Variants in RHD observed in about 807,000 individuals in gnomAD.
RHD encodes the protein blood group Rh(D) polypeptide.
In RHD, 16 loss-of-function variants were observed where a neutral mutation model predicts 45.5. The ratio of observed to expected loss-of-function variants is 0.35; its 90% CI spans 0.24 to 0.53. RHD has a LOEUF of 0.53. RHD is among the 20% of genes least tolerant of loss of function. The pLI is 0.92. For synonymous variants in RHD, 131 were observed against 217.5 expected (o/e 0.60, Z 3.50); for missense variants, 306 against 532.0 (o/e 0.58, Z 4.18).
chr1:25,318,315 C>CA (rs1391140037), intron 8 of RHD: 2 of 132,006 alleles, frequency 1.5e-5, no homozygotes, highest in African/African-American at 5.2e-5. Flanking sequence ...AGGCCAGGTG[C>CA]AGTGGCTCAC....
rs769694058 is a variant in RHD at position 25,301,680 on chromosome 1, C to G, written c.795C>G (p.Ile265Met). ...GSSLAHPQGK[I>M]SKTYVHSAVL... ...CCTTGGCTCACCCCCAAGGGAAGATCAGCAAGGTGAGCAGGGCGCTGCCCT... is the reference window on the plus strand; with the variant it reads ...CCTTGGCTCACCCCCAAGGGAAGATGAGCAAGGTGAGCAGGGCGCTGCCCT... Residue 265 changes from isoleucine (I) to methionine (M), a missense_variant, in exon 5 of 10, where the codon ATC becomes ATG. Ile to Met is a conservative substitution (Grantham distance 10). Transcript: ENST00000328664. The G allele has an allele frequency of 5.9e-5, 81 of 1,379,478 alleles. 19 individuals carry two copies. The Admixed American group carries it at 1.4e-3, about 23-fold the overall frequency. 85.5% of individuals were successfully genotyped at this position (1,379,478 alleles called of 1,614,324 possible). A position where few individuals can be genotyped will look rare whatever the true frequency, so the allele number is the denominator to read the frequency against.
chr1:25,318,966 C>T lies in RHD; in HGVS notation c.1153+1887C>T. Among the ~76,000 whole-genome samples, 2 of 133,004 alleles carry T rather than the reference C, an allele frequency of 1.5e-5. 1 individual carries two copies. The highest frequency in any genetic ancestry group is 3.6e-5 in the Non-Finnish European group (2 of 56,058). 87.3% of individuals were successfully genotyped at this position (133,004 alleles called of 152,430 possible). A position where few individuals can be genotyped will look rare whatever the true frequency, so the allele number is the denominator to read the frequency against. On this transcript the variant is annotated intron_variant, in intron 8 of 9. Transcript: ENST00000328664. ...CAGAGTCTTTGTGAAGAAGCAGAGG[C>T]GGAGTAGCGTTAATTCCGTAAGTTA...
At position 25,301,174 on chromosome 1, in the gene RHD, C is replaced by T. The variant is rs1643360015; in HGVS notation, c.634+81C>T. 6.5e-6 allele frequency: 8 copies of T among 1,222,082 alleles called. No homozygotes were observed. In the South Asian group the frequency reaches 9.8e-5, roughly 15 times the overall value. The allele number at this position is 1,222,082 out of a possible 1,614,324, so 75.7% of individuals were successfully genotyped here. A position where few individuals can be genotyped will look rare whatever the true frequency, so the allele number is the denominator to read the frequency against. On this transcript the variant is annotated intron_variant, in intron 4 of 9. Transcript: ENST00000328664. ...AAAAGGCTCTGGCTGAAAAAATCTC[C>T]CTCCTTTACCAAGTTCCCCTGGGTG... is the stretch of plus-strand genomic sequence containing the variant.
intron 1 of RHD, among the ~76,000 whole-genome samples, chr1:25,278,930 G>A (rs1641242509): frequency 1.5e-5 from 2 of 129,166 alleles, no homozygotes; most frequent in South Asian, 4.8e-4. Context: ...GTCTTTCCAG[G>A]CAGCAGTGGG....
Position 25,328,763 on chromosome 1 carries a change from G to A in RHD, c.1228-135G>A, listed in dbSNP as rs1452089546. ...GATGAAATAAAACCTATATATCCAAGATCTCTTCCAATTCAGATTTTATGA... is the reference window on the plus strand; with the variant it reads ...GATGAAATAAAACCTATATATCCAAAATCTCTTCCAATTCAGATTTTATGA... On this transcript the variant is annotated intron_variant, in intron 9 of 9. Coordinates refer to ENST00000328664, the MANE Select transcript of RHD (RefSeq NM_016124.6). 4 of 442,482 alleles carry A rather than the reference G, an allele frequency of 9.0e-6. No homozygotes were observed. In the Admixed American group the frequency reaches 1.7e-4, roughly 18 times the overall value. 27.4% of individuals were successfully genotyped at this position (442,482 alleles called of 1,614,324 possible). A position where few individuals can be genotyped will look rare whatever the true frequency, so the allele number is the denominator to read the frequency against.
intron 7 of RHD, among the ~76,000 whole-genome samples, chr1:25,313,631 A>T (rs28619253): frequency 0.013 from 1,744 of 132,310 alleles, 259 homozygotes; most frequent in African/African-American, 0.039. Flanking sequence ...AGAACACGTC[A>T]TGCAGGGCCA....
chr1:25,308,556 T>C lies in RHD; in HGVS notation c.1073+1827T>C, dbSNP rs1402964452. 3.8e-5 allele frequency among the ~76,000 whole-genome samples: 5 copies of C among 132,032 alleles called. 2 individuals carry two copies. Among genetic ancestry groups the C allele is most frequent in the Non-Finnish European group, 8.9e-5 (5 of 55,980 alleles). The allele number at this position is 132,032 out of a possible 152,430, so 86.6% of individuals were successfully genotyped here. On this transcript the variant is annotated intron_variant, in intron 7 of 9. Coordinates refer to ENST00000328664, the MANE Select transcript of RHD (RefSeq NM_016124.6). ...AAGCCTTGATTGGTAGCACTTGCAA[T>C]TTCTATGGTACAAACGCTTCCCGCA...
intron 8 of RHD, among the ~76,000 whole-genome samples, chr1:25,319,733 T>G (rs552737610): frequency 1.5e-5 from 2 of 132,412 alleles, no homozygotes; most frequent in South Asian, 4.6e-4. Flanking sequence ...TCTATGGGCC[T>G]GTCTGTATTT....
At chr1:25,292,471 T>G (rs964174766) in intron 3 of RHD, among the ~76,000 whole-genome samples, 2 of 132,050 alleles carry the variant, frequency 1.5e-5, no homozygotes, top group African/African-American at 5.2e-5. Flanking sequence ...ATTGACAGGA[T>G]TTGCTGATAG....
chr1:25,308,441 G>A lies in RHD; in HGVS notation c.1073+1712G>A, dbSNP rs1379564662. Among the ~76,000 whole-genome samples, 2 of 127,878 alleles carry A rather than the reference G, an allele frequency of 1.6e-5. 1 individual carries two copies. Among genetic ancestry groups the A allele is most frequent in the Middle Eastern group, 8.3e-3 (2 of 242 alleles). 83.9% of individuals were successfully genotyped at this position (127,878 alleles called of 152,430 possible). Reference sequence around the variant, plus strand: ...TGTTCTCTTGCAAGCTCAAGTTTTAGAACCACTGACCTATAGCCAAAAAAG... The same window carrying A: ...TGTTCTCTTGCAAGCTCAAGTTTTAAAACCACTGACCTATAGCCAAAAAAG... On this transcript the variant is annotated intron_variant, in intron 7 of 9. Coordinates refer to ENST00000328664, the MANE Select transcript of RHD (RefSeq NM_016124.6).
chr1:25,303,614 C>T (rs1228005347), intron 6 of RHD, among the ~76,000 whole-genome samples, 155 bp downstream of exon 6: 1 of 130,920 alleles, frequency 7.6e-6, no homozygotes, highest in African/African-American at 2.6e-5. Flanking sequence ...CATCCTGGCT[C>T]GGTGGCGCAT....
intron 2 of RHD, among the ~76,000 whole-genome samples, chr1:25,285,757 T>C (rs1641929174): frequency 7.4e-6 from 1 of 135,198 alleles, no homozygotes; most frequent in Non-Finnish European, 1.8e-5. Flanking sequence ...GGAAGTAGGC[T>C]AAATTTTTTC....
At chr1:25,273,344 G>C (rs1168237732) in intron 1 of RHD, among the ~76,000 whole-genome samples, 4 of 92,242 alleles carry the variant, frequency 4.3e-5, no homozygotes, top group African/African-American at 1.5e-4. Context: ...GGGTCTCCCT[G>C]TGTTTCCCAG....
chr1:25,295,852 T>G lies in RHD; in HGVS notation c.486+5061T>G, dbSNP rs1423565484. Reference sequence around the variant, plus strand: ...TGGTCTGGGAGGGAATATGGGAAATTTTTTTTTTTTTTTTTTTTTTTTTTT... The same window carrying G: ...TGGTCTGGGAGGGAATATGGGAAATGTTTTTTTTTTTTTTTTTTTTTTTTT... On this transcript the variant is annotated intron_variant, in intron 3 of 9. Transcript: ENST00000328664. 2.4e-4 allele frequency among the ~76,000 whole-genome samples: 9 copies of G among 37,890 alleles called. 1 individual carries two copies. The highest frequency in any genetic ancestry group is 3.3e-4 in the Non-Finnish European group (4 of 11,990). 24.9% of individuals were successfully genotyped at this position (37,890 alleles called of 152,430 possible). A position where few individuals can be genotyped will look rare whatever the true frequency, so the allele number is the denominator to read the frequency against.
chr1:25,287,524 C>T (rs373291984), intron 2 of RHD, among the ~76,000 whole-genome samples: 8 of 134,590 alleles, frequency 5.9e-5, no homozygotes, highest in South Asian at 4.4e-4. Flanking sequence ...CCCCTGGGGA[C>T]GGGGTACTCT....
rs923320019 is a variant in RHD at position 25,309,017 on chromosome 1, T to C, written c.1073+2288T>C. ...CTGATGCTGCATCCGTATGAGGACATCTCTATGTAATGGAAAGATGGAGAG... is the reference window on the plus strand; with the variant it reads ...CTGATGCTGCATCCGTATGAGGACACCTCTATGTAATGGAAAGATGGAGAG... On this transcript the variant is annotated intron_variant, in intron 7 of 9. Transcript: ENST00000328664. Among the ~76,000 whole-genome samples the C allele has an allele frequency of 3.8e-5, 5 of 132,088 alleles. 1 individual carries two copies. Among genetic ancestry groups the C allele is most frequent in the African/African-American group, 1.3e-4 (5 of 38,174 alleles). 86.7% of individuals were successfully genotyped at this position (132,088 alleles called of 152,430 possible).
rs1382335051 is a variant in RHD at position 25,281,335 on chromosome 1, C to T, written c.149-3238C>T. Among the ~76,000 whole-genome samples, 2 of 130,248 alleles carry T rather than the reference C, an allele frequency of 1.5e-5. 1 individual carries two copies. The highest frequency in any genetic ancestry group is 3.6e-5 in the Non-Finnish European group (2 of 55,798). The allele number at this position is 130,248 out of a possible 152,430, so 85.4% of individuals were successfully genotyped here. A position where few individuals can be genotyped will look rare whatever the true frequency, so the allele number is the denominator to read the frequency against. On this transcript the variant is annotated intron_variant, in intron 1 of 9. Coordinates refer to ENST00000328664, the MANE Select transcript of RHD (RefSeq NM_016124.6). ...ATTCTCCTCTGGGCCCGGTCATGAG[C>T]GCCCCTCACAGGCTCTCTCTGGTCC...
intron 3 of RHD, among the ~76,000 whole-genome samples, chr1:25,296,965 C>A (rs1643009029): frequency 7.6e-6 from 1 of 131,116 alleles, no homozygotes; most frequent in Non-Finnish European, 1.8e-5. Flanking sequence ...TCTTACATAA[C>A]CTTTTTTCAG....
chr1:25,314,931 G>T lies in RHD; in HGVS notation c.1074-2069G>T, dbSNP rs2427763. ...CTTTTTAAGAATTTTTGCAGCCAGC[G>T]CGGTGGCTCACACCTGTAATCCCAG... is the stretch of plus-strand genomic sequence containing the variant. On this transcript the variant is annotated intron_variant, in intron 7 of 9. Transcript: ENST00000328664. 6.0e-3 allele frequency among the ~76,000 whole-genome samples: 790 copies of T among 130,666 alleles called. 158 individuals carry two copies. The highest frequency in any genetic ancestry group is 8.9e-3 in the African/African-American group (342 of 38,430). 85.7% of individuals were successfully genotyped at this position (130,666 alleles called of 152,430 possible). A position where few individuals can be genotyped will look rare whatever the true frequency, so the allele number is the denominator to read the frequency against.
Sources: allele counts gnomAD v4.1 joint callset (sites outside exome capture counted in the v4.1 genomes callset), GRCh38; gene constraint gnomAD v4.1.1; transcripts MANE v1.5; gene names NCBI Gene and HGNC (gene_info 2026-07-23, HGNC 2026-07-21).